Variants in INPP5D observed in about 807,000 individuals in gnomAD.
The protein encoded by INPP5D is phosphatidylinositol 3,4,5-trisphosphate 5-phosphatase 1.
A neutral mutation model predicts 122.9 loss-of-function variants in INPP5D; 33 were observed. That is an observed-to-expected ratio of 0.27 (90% CI 0.20 to 0.36). The LOEUF is 0.36. Among genes scored for constraint, INPP5D ranks in the 10% least tolerant of loss-of-function variants. The pLI is 1.00. For synonymous variants in INPP5D, 584 were observed against 576.2 expected (o/e 1.01, Z -0.19); for missense variants, 1,053 against 1,412.7 (o/e 0.75, Z 4.08).
chr2:233,083,558 G>C (rs935746910), intron 2 of INPP5D, among the ~76,000 whole-genome samples: 7 of 152,232 alleles, frequency 4.6e-5, no homozygotes, highest in Non-Finnish European at 8.8e-5. Context: ...CACACCAAGA[G>C]AGTGGGTTTC....
At chr2:233,090,768 G>C (rs1435265372) in intron 2 of INPP5D, among the ~76,000 whole-genome samples, 2 of 152,060 alleles carry the variant, frequency 1.3e-5, no homozygotes, top group African/African-American at 4.8e-5. Context: ...GACCAGCCTG[G>C]CCAACATGGC....
At chr2:233,179,862 A>G (rs1417528184) in intron 18 of INPP5D, among the ~76,000 whole-genome samples, 1 of 152,200 alleles carries the variant, frequency 6.6e-6, no homozygotes, top group African/African-American at 2.4e-5. Context: ...TCAGCTGTCT[A>G]TTGCTGCATA....
intron 5 of INPP5D, among the ~76,000 whole-genome samples, chr2:233,133,185 G>A (rs921903238): frequency 7.2e-5 from 11 of 152,180 alleles, no homozygotes; most frequent in East Asian, 1.9e-4. Context: ...TGCCTTCCTC[G>A]GCCCCCCAAA....
At chr2:233,204,924 G>T in intron 26 of INPP5D, 2 of 799,936 alleles carry the variant, frequency 2.5e-6, no homozygotes, top group Non-Finnish European at 3.7e-6. Flanking sequence ...TTGAACCCAG[G>T]TCTGCCTGTC....
intron 17 of INPP5D, among the ~76,000 whole-genome samples, chr2:233,175,633 T>G (rs1295178629): frequency 6.6e-6 from 1 of 152,210 alleles, no homozygotes; most frequent in African/African-American, 2.4e-5. Context: ...ACCTAAAGTT[T>G]TTTTTAAAAA....
intron 25 of INPP5D, among the ~76,000 whole-genome samples, chr2:233,201,008 A>G (rs147803546): frequency 2.6e-3 from 378 of 147,130 alleles, no homozygotes; most frequent in African/African-American, 8.2e-3. Flanking sequence ...AAATAAATAA[A>G]TAGATGAGAG....
intron 5 of INPP5D, chr2:233,130,947 G>T: frequency 1.9e-6 from 1 of 537,740 alleles, no homozygotes. Context: ...ACTTGCACAG[G>T]ATCCAGCTCT....
At chr2:233,202,524 C>T (rs1055008439) in intron 25 of INPP5D, among the ~76,000 whole-genome samples, 54 of 152,150 alleles carry the variant, frequency 3.5e-4, no homozygotes, top group African/African-American at 1.2e-3. Flanking sequence ...GACGACATCC[C>T]GCCTTTGTCC....
At chr2:233,073,181 G>A (rs908902601) in intron 1 of INPP5D, among the ~76,000 whole-genome samples, 1 of 152,210 alleles carries the variant, frequency 6.6e-6, no homozygotes, top group Non-Finnish European at 1.5e-5. Flanking sequence ...TAGAGAGTGG[G>A]TCTCGCTGGG....
chr2:233,110,934 A>AAAC (rs1246752067), intron 2 of INPP5D, among the ~76,000 whole-genome samples: 4 of 126,128 alleles, frequency 3.2e-5, no homozygotes, highest in Non-Finnish European at 6.4e-5. Flanking sequence ...CTTAAAAAAA[A>AAAC]AACAACAAAA....
intron 20 of INPP5D, among the ~76,000 whole-genome samples, chr2:233,185,401 G>A (rs1030600137): frequency 6.6e-6 from 1 of 152,024 alleles, no homozygotes; most frequent in South Asian, 2.1e-4. Context: ...ATTTTTGTGC[G>A]GGTGTTTTTA....
intron 1 of INPP5D, among the ~76,000 whole-genome samples, chr2:233,064,081 A>G (rs1691146950): frequency 6.6e-6 from 1 of 152,272 alleles, no homozygotes; most frequent in Non-Finnish European, 1.5e-5. Flanking sequence ...CAATCTGCAC[A>G]GGCAAAGCTG....
intron 2 of INPP5D, among the ~76,000 whole-genome samples, chr2:233,095,389 G>A (rs2106227032): frequency 6.6e-6 from 1 of 152,272 alleles, no homozygotes; most frequent in Non-Finnish European, 1.5e-5. Context: ...GGAGACCGAG[G>A]CGGGTGGATC....
chr2:233,081,635 G>A lies in INPP5D; in HGVS notation c.198+2237G>A, dbSNP rs138373908. Among the ~76,000 whole-genome samples, 8 of 152,302 alleles carry A rather than the reference G, an allele frequency of 5.3e-5. No individual in the cohort carries two copies. In the East Asian group the frequency reaches 1.5e-3, roughly 29 times the overall value. On this transcript the variant is annotated intron_variant, in intron 2 of 26. Coordinates refer to ENST00000445964, the MANE Select transcript of INPP5D (RefSeq NM_001017915.3). ...GCCTCATCAGGCTACTGGGCAGGGG[G>A]TGGTGGTGGTGCAGGGAACAGAAAC...
chr2:233,116,601 T>A (rs1223497657), intron 2 of INPP5D, among the ~76,000 whole-genome samples: 1 of 147,326 alleles, frequency 6.8e-6, no homozygotes, highest in Non-Finnish European at 1.5e-5. Context: ...ACCTCATAAT[T>A]TTTTTTTTTC....
At chr2:233,196,409 T>C (rs1695186300) in intron 24 of INPP5D, among the ~76,000 whole-genome samples, 1 of 152,190 alleles carries the variant, frequency 6.6e-6, no homozygotes, top group African/African-American at 2.4e-5. Flanking sequence ...TTCAGTGCAG[T>C]CCCTGACTTA....
chr2:233,063,351 C>T (rs1206382627), intron 1 of INPP5D, among the ~76,000 whole-genome samples: 1 of 152,254 alleles, frequency 6.6e-6, no homozygotes, highest in Non-Finnish European at 1.5e-5. Flanking sequence ...GCAGCACTCC[C>T]TCCCAGGCCC....
intron 3 of INPP5D, among the ~76,000 whole-genome samples, chr2:233,125,178 T>A (rs1478402077): frequency 6.6e-6 from 1 of 152,206 alleles, no homozygotes; most frequent in African/African-American, 2.4e-5. Flanking sequence ...TGTCTCTGAG[T>A]GAAGGGAACC....
chr2:233,070,676 T>C (rs950837576), intron 1 of INPP5D, among the ~76,000 whole-genome samples: 7 of 151,972 alleles, frequency 4.6e-5, no homozygotes, highest in Non-Finnish European at 1.0e-4. Context: ...CTCCTGACCT[T>C]GTGGTCCGCT....
Sources: allele counts gnomAD v4.1 joint callset (sites outside exome capture counted in the v4.1 genomes callset), GRCh38; gene constraint gnomAD v4.1.1; transcripts MANE v1.5; gene names NCBI Gene and HGNC (gene_info 2026-07-23, HGNC 2026-07-21).